Variants in FTO observed in about 807,000 individuals in gnomAD.
FTO encodes the protein alpha-ketoglutarate-dependent dioxygenase FTO.
FTO carries 47 observed loss-of-function variants against 63.9 expected under a neutral mutation model. The ratio of observed to expected loss-of-function variants is 0.74; its 90% CI spans 0.58 to 0.94. The LOEUF (loss-of-function observed/expected upper bound fraction) is 0.94. Among genes scored for constraint, FTO ranks in the 40% least tolerant of loss-of-function variants. FTO has a pLI of 0.00. For missense variants in FTO, 562 were observed against 618.1 expected, an observed-to-expected ratio of 0.91 and a Z score of 0.96; for synonymous variants, 207 against 224.4, an observed-to-expected ratio of 0.92 and a Z score of 0.69.
chr16:54,015,007 C>T (rs1308957748), intron 8 of FTO, among the ~76,000 whole-genome samples: 1 of 148,118 alleles, frequency 6.8e-6, no homozygotes, highest in East Asian at 2.0e-4. Context: ...AGGTACACAC[C>T]ACTGCACCTG....
chr16:53,761,425 C>T (rs987367790), intron 1 of FTO, among the ~76,000 whole-genome samples: 4 of 152,060 alleles, frequency 2.6e-5, no homozygotes, highest in Admixed American at 6.5e-5. Context: ...TCTTTACAGG[C>T]GTTCCAGTGA....
intron 1 of FTO, among the ~76,000 whole-genome samples, chr16:53,731,554 T>A (rs1224069016): frequency 3.9e-5 from 6 of 152,170 alleles, no homozygotes; most frequent in South Asian, 2.1e-4. Context: ...CTTCTTTTTT[T>A]AAAATTTAAT....
At chr16:53,891,354 T>TA (rs906812192) in intron 7 of FTO, among the ~76,000 whole-genome samples, 11 of 151,688 alleles carry the variant, frequency 7.3e-5, no homozygotes, top group African/African-American at 2.7e-4. Flanking sequence ...AGCTTTTTTT[T>TA]TTTTATTTTT....
intron 2 of FTO, among the ~76,000 whole-genome samples, chr16:53,818,550 A>C (rs558968317): frequency 2.6e-5 from 4 of 152,246 alleles, no homozygotes; most frequent in African/African-American, 9.6e-5. Context: ...TATATTGGGA[A>C]ATTTGAAAAT....
chr16:53,766,886 G>A (rs755549244), intron 1 of FTO, among the ~76,000 whole-genome samples: 10 of 152,014 alleles, frequency 6.6e-5, no homozygotes, highest in Non-Finnish European at 1.2e-4. Context: ...CCCAACAAAC[G>A]CGTTCCTTCC....
intron 1 of FTO, among the ~76,000 whole-genome samples, chr16:53,708,451 A>G (rs975570864): frequency 6.6e-6 from 1 of 151,914 alleles, no homozygotes; most frequent in African/African-American, 2.4e-5. Flanking sequence ...TTGTTTCTAC[A>G]TTTTGACTAT....
intron 8 of FTO, among the ~76,000 whole-genome samples, chr16:53,952,309 T>C (rs7192822): frequency 0.057 from 8,595 of 151,982 alleles, 687 homozygotes; most frequent in African/African-American, 0.18. Flanking sequence ...TATTATTCTC[T>C]CTCTGTTCTC....
At chr16:53,898,335 C>T (rs2081322068) in intron 7 of FTO, among the ~76,000 whole-genome samples, 1 of 152,130 alleles carries the variant, frequency 6.6e-6, no homozygotes, top group Non-Finnish European at 1.5e-5. Flanking sequence ...TTACATGACT[C>T]TCTCCCTCAT....
intron 1 of FTO, among the ~76,000 whole-genome samples, chr16:53,744,049 A>C (rs1462461133): frequency 6.6e-6 from 1 of 152,214 alleles, no homozygotes; most frequent in Non-Finnish European, 1.5e-5. Flanking sequence ...GTCTTGTAGA[A>C]GTGAGCAGTA....
intron 5 of FTO, among the ~76,000 whole-genome samples, chr16:53,876,364 G>A (rs2080653116): frequency 6.6e-6 from 1 of 152,128 alleles, no homozygotes; most frequent in South Asian, 2.1e-4. Flanking sequence ...ATAGCACTTA[G>A]CGAGGAGTAG....
intron 1 of FTO, among the ~76,000 whole-genome samples, chr16:53,788,765 G>A (rs2077820149): frequency 6.6e-6 from 1 of 152,104 alleles, no homozygotes; most frequent in Admixed American, 6.5e-5. Flanking sequence ...GCGGGGGTAG[G>A]GAGACCTTGG....
chr16:53,788,307 A>C (rs114630605), intron 1 of FTO, among the ~76,000 whole-genome samples: 3,768 of 151,948 alleles, frequency 0.025, 156 homozygotes, highest in African/African-American at 0.086. Context: ...TTTGATACAG[A>C]ATTGACCTTA....
chr16:53,825,794 AAC>A (rs2078989052), intron 2 of FTO, 68 bp from the exon 3 acceptor site: 3 of 1,573,718 alleles, frequency 1.9e-6, no homozygotes, highest in Non-Finnish European at 2.6e-6. Context: ...CTTACAAAGA[AAC>A]ACACCTTTGG....
chr16:53,724,853 T>G (rs1482469054), intron 1 of FTO, among the ~76,000 whole-genome samples: 1 of 152,186 alleles, frequency 6.6e-6, no homozygotes, highest in Non-Finnish European at 1.5e-5. Flanking sequence ...AACAACAAAC[T>G]GAGGCACCAT....
chr16:53,875,218 C>A (rs1404975299), intron 5 of FTO, among the ~76,000 whole-genome samples: 2 of 152,046 alleles, frequency 1.3e-5, no homozygotes, highest in East Asian at 3.9e-4. Flanking sequence ...CTAGCTATAA[C>A]CCTCCTAAGA....
At chr16:54,009,725 C>T (rs1377875121) in intron 8 of FTO, among the ~76,000 whole-genome samples, 1 of 152,172 alleles carries the variant, frequency 6.6e-6, no homozygotes, top group African/African-American at 2.4e-5. Context: ...GCTGGCTCCA[C>T]CACTACTACC....
chr16:53,743,774 C>A (rs775769911), intron 1 of FTO, among the ~76,000 whole-genome samples: 1 of 151,672 alleles, frequency 6.6e-6, no homozygotes, highest in Non-Finnish European at 1.5e-5. Flanking sequence ...CTCATAGGAA[C>A]CCTGCCTAGT....
intron 7 of FTO, among the ~76,000 whole-genome samples, chr16:53,909,811 G>T (rs1039409860): frequency 6.6e-6 from 1 of 151,974 alleles, no homozygotes. Context: ...TGATCCGCCC[G>T]CATTGGCTTT....
chr16:53,960,577 T>C (rs529214534), intron 8 of FTO, among the ~76,000 whole-genome samples: 7 of 152,180 alleles, frequency 4.6e-5, no homozygotes, highest in African/African-American at 1.4e-4. Context: ...CCTCTGGTGC[T>C]GGGGGAATCT....
Sources: gnomAD v4.1 joint callset for allele counts (sites outside exome capture counted in the v4.1 genomes callset) on GRCh38, gnomAD v4.1.1 for gene constraint, MANE v1.5 for transcripts, NCBI Gene and HGNC (gene_info 2026-07-23, HGNC 2026-07-21) for gene names.